KLF13: variants seen among roughly 807,000 people sequenced by gnomAD.
KLF13 encodes Krueppel-like factor 13.
Under a neutral mutation model 16.7 loss-of-function variants are expected in KLF13, and 8 were observed. That is an observed-to-expected ratio of 0.48 (90% CI 0.28 to 0.87). The LOEUF (loss-of-function observed/expected upper bound fraction) is 0.87. KLF13 is among the 40% of genes least tolerant of loss of function. The pLI is 0.10. For synonymous variants in KLF13, 245 were observed against 208.4 expected (o/e 1.18, Z -1.51); for missense variants, 447 against 452.2 (o/e 0.99, Z 0.10).
intron 1 of KLF13, among the ~76,000 whole-genome samples, chr15:31,352,068 G>C (rs2039225563): frequency 6.6e-6 from 1 of 151,956 alleles, no homozygotes; most frequent in Non-Finnish European, 1.5e-5. Context: ...CACTGTTTAA[G>C]TAGAGTTTAC....
intron 1 of KLF13, among the ~76,000 whole-genome samples, chr15:31,345,746 C>T (rs2039104600): frequency 6.6e-6 from 1 of 152,178 alleles, no homozygotes; most frequent in South Asian, 2.1e-4. Flanking sequence ...CACACCAGGG[C>T]TTAGTGTGCT....
intron 2 of KLF13, among the ~76,000 whole-genome samples, chr15:31,397,102 T>C (rs1052704783): frequency 6.6e-6 from 1 of 151,816 alleles, no homozygotes; most frequent in African/African-American, 2.4e-5. Context: ...AGTCCAGGTT[T>C]TTCGTTTGAC....
intron 1 of KLF13, among the ~76,000 whole-genome samples, chr15:31,346,510 C>G (rs937549795): frequency 6.6e-6 from 1 of 152,204 alleles, no homozygotes; most frequent in Admixed American, 6.5e-5. Flanking sequence ...GGAGCTCCTC[C>G]CCGGGTTCTC....
Position 31,327,096 on chromosome 15 carries a change from G to A in KLF13, c.-117G>A, listed in dbSNP as rs1047832584. ...TGCGCGCCCAGCCCAGCCCAGCCCA[G>A]CCCGAGGAGAGGGCGCGCCGCGCCC... On this transcript the variant is annotated 5_prime_UTR_variant, in exon 1 of 2. Coordinates refer to ENST00000307145, the MANE Select transcript of KLF13 (RefSeq NM_015995.4). 1.5e-6 allele frequency: 1 copy of A among 658,336 alleles called. No individual in the cohort carries two copies. Among genetic ancestry groups the A allele is most frequent in the Non-Finnish European group, 2.0e-6 (1 of 510,606 alleles). The allele number at this position is 658,336 out of a possible 1,614,324, so 40.8% of individuals were successfully genotyped here. A position where few individuals can be genotyped will look rare whatever the true frequency, so the allele number is the denominator to read the frequency against.
intron 1 of KLF13, among the ~76,000 whole-genome samples, chr15:31,419,074 G>A (rs143289423): frequency 5.3e-5 from 8 of 152,296 alleles, no homozygotes; most frequent in African/African-American, 1.9e-4. Flanking sequence ...TACAATCATG[G>A]TGGAAGGCAA....
chr15:31,363,426 G>A (rs1298683379), intron 1 of KLF13, among the ~76,000 whole-genome samples: 4 of 152,152 alleles, frequency 2.6e-5, no homozygotes, highest in African/African-American at 9.7e-5. Context: ...GTTATCTCTT[G>A]CCTTTGTTTA....
In KLF13 at chr15:31,374,981, A is replaced by G. The variant is rs1277320180; in HGVS notation, c.*2682A>G. ...AGGGTAACATTGCCTTAAAACAGAA[A>G]TATGCAGGCGTTGGCTATTTTTGGC... is the stretch of plus-strand genomic sequence containing the variant. On this transcript the variant is annotated 3_prime_UTR_variant, in exon 2 of 2. Coordinates refer to ENST00000307145, the MANE Select transcript of KLF13 (RefSeq NM_015995.4). 1 of 152,468 alleles carries G rather than the reference A, an allele frequency of 6.6e-6. No homozygotes were observed. The highest frequency in any genetic ancestry group is 2.4e-5 in the African/African-American group (1 of 41,418). 9.4% of individuals were successfully genotyped at this position (152,468 alleles called of 1,614,324 possible).
At chr15:31,347,685 G>A (rs2039146253) in intron 1 of KLF13, among the ~76,000 whole-genome samples, 1 of 152,220 alleles carries the variant, frequency 6.6e-6, no homozygotes, top group South Asian at 2.1e-4. Flanking sequence ...AAGGAAAAGT[G>A]GGTGTCACAG....
intron 2 of KLF13, among the ~76,000 whole-genome samples, chr15:31,400,257 C>A (rs886641459): frequency 2.0e-5 from 3 of 152,326 alleles, no homozygotes; most frequent in Admixed American, 1.3e-4. Flanking sequence ...GACAGGAAAG[C>A]CCTGCCTTCA....
At chr15:31,378,619 G>A (rs930501780), downstream of KLF13, among the ~76,000 whole-genome samples, 24 of 152,152 alleles carry the variant, frequency 1.6e-4, no homozygotes, top group Admixed American at 3.9e-4. Flanking sequence ...GAAGGGAGGT[G>A]CTGGTGCAGC....
chr15:31,376,614 C>T lies in KLF13; in HGVS notation c.*4315C>T, dbSNP rs1235188187. The T allele has an allele frequency of 6.6e-6, 1 of 152,668 alleles. No homozygotes were observed. The highest frequency in any genetic ancestry group is 2.4e-5 in the African/African-American group (1 of 41,460). The allele number at this position is 152,668 out of a possible 1,614,324, so 9.5% of individuals were successfully genotyped here. ...TGAGGCTCTGAAGGCTTGTCTGAGA[C>T]ACATTCCGGAGACCTTTGTACCAGA... On this transcript the variant is annotated 3_prime_UTR_variant, in exon 2 of 2. Transcript: ENST00000307145.
chr15:31,386,898 C>T (rs1443492048), intron 1 of KLF13, among the ~76,000 whole-genome samples: 2 of 152,202 alleles, frequency 1.3e-5, no homozygotes, highest in Admixed American at 1.3e-4. Context: ...GACAGCACGT[C>T]TATTTACAGC....
intron 1 of KLF13, among the ~76,000 whole-genome samples, chr15:31,342,995 G>A (rs1342194247): frequency 6.6e-6 from 1 of 152,262 alleles, no homozygotes; most frequent in Non-Finnish European, 1.5e-5. Context: ...TCCCCAGGCA[G>A]GGCCTGCTTG....
At chr15:31,337,697 A>T (rs990970696) in intron 1 of KLF13, among the ~76,000 whole-genome samples, 3 of 152,210 alleles carry the variant, frequency 2.0e-5, no homozygotes, top group Non-Finnish European at 4.4e-5. Flanking sequence ...CACAATGGTA[A>T]GCATTTTGTA....
At chr15:31,427,060 AG>A (rs2040408702) in intron 1 of KLF13, among the ~76,000 whole-genome samples, 1 of 152,116 alleles carries the variant, frequency 6.6e-6, no homozygotes, top group Admixed American at 6.5e-5. Flanking sequence ...CTAAATTCTG[AG>A]GCTTTTGGAC....
At chr15:31,415,876 A>G (rs1595509045) in intron 1 of KLF13, among the ~76,000 whole-genome samples, 1 of 152,056 alleles carries the variant, frequency 6.6e-6, no homozygotes, top group East Asian at 1.9e-4. Flanking sequence ...CTTTATAAAC[A>G]TCTACAAAAT....
At chr15:31,354,581 C>T (rs8036370) in intron 1 of KLF13, among the ~76,000 whole-genome samples, 55,381 of 151,986 alleles carry the variant, frequency 0.36, 10,416 homozygotes, top group African/African-American at 0.45. Flanking sequence ...GGGGTTTCAC[C>T]GAAATGTTGG....
At chr15:31,418,014 AG>A (rs1289937259) in intron 1 of KLF13, among the ~76,000 whole-genome samples, 2 of 152,212 alleles carry the variant, frequency 1.3e-5, no homozygotes, top group Non-Finnish European at 2.9e-5. Context: ...TGTGAATAAG[AG>A]AACTAAAAAA....
chr15:31,433,325 C>A (rs2040494528), intron 1 of KLF13, among the ~76,000 whole-genome samples: 1 of 152,110 alleles, frequency 6.6e-6, no homozygotes, highest in Non-Finnish European at 1.5e-5. Context: ...TGGCCCCAGG[C>A]AGTTTCTCCA....
Sources: gnomAD v4.1 joint callset for allele counts (sites outside exome capture counted in the v4.1 genomes callset) on GRCh38, gnomAD v4.1.1 for gene constraint, MANE v1.5 for transcripts, NCBI Gene and HGNC (gene_info 2026-07-23, HGNC 2026-07-21) for gene names.